The following TMEM87B variants were observed in gnomAD, a reference collection of about 807,000 sequenced individuals.
TMEM87B encodes the protein transmembrane protein 87B.
In TMEM87B, 83 loss-of-function variants were observed where a neutral mutation model predicts 80.3. The observed-to-expected ratio is 1.03, with a 90% CI of 0.87 to 1.24. The LOEUF is 1.24. TMEM87B is among the 50% of genes most tolerant of loss of function. TMEM87B has a pLI of 0.00. For missense variants in TMEM87B, 625 were observed against 674.4 expected, an observed-to-expected ratio of 0.93 and a Z score of 0.81; for synonymous variants, 219 against 230.5, an observed-to-expected ratio of 0.95 and a Z score of 0.45.
chr2:112,097,779 A>G (rs1224463972), intron 13 of TMEM87B, among the ~76,000 whole-genome samples: 2 of 151,534 alleles, frequency 1.3e-5, no homozygotes, highest in African/African-American at 4.9e-5. Context: ...TTCCTCCGAA[A>G]TCTCCTTTTC....
intron 6 of TMEM87B, among the ~76,000 whole-genome samples, chr2:112,079,005 T>C (rs1573699540): frequency 6.6e-6 from 1 of 152,304 alleles, no homozygotes; most frequent in East Asian, 1.9e-4. Context: ...CAATTACATA[T>C]GACATAAATG....
At position 112,105,536 on chromosome 2, in the gene TMEM87B, A is replaced by C. The variant is rs1237956615; in HGVS notation, c.1451-466A>C. Reference sequence around the variant, plus strand: ...TGCTCCACTGAAACTGCAAACATGCAGAAGAGCCTTGGTCAAATATGAAAG... The same window carrying C: ...TGCTCCACTGAAACTGCAAACATGCCGAAGAGCCTTGGTCAAATATGAAAG... On this transcript the variant is annotated intron_variant, in intron 15 of 18. Transcript: ENST00000283206. Among the ~76,000 whole-genome samples the C allele has an allele frequency of 5.9e-5, 9 of 152,346 alleles. No homozygotes were observed. The South Asian group carries it at 1.0e-3, about 18-fold the overall frequency.
At chr2:112,093,992 T>G (rs775130006) in intron 11 of TMEM87B, among the ~76,000 whole-genome samples, 8 of 152,200 alleles carry the variant, frequency 5.3e-5, no homozygotes, top group African/African-American at 1.9e-4. Flanking sequence ...GCTGATTATA[T>G]CTATTCAATT....
At chr2:112,063,906 G>A (rs548246524) in intron 2 of TMEM87B, among the ~76,000 whole-genome samples, 1 of 152,328 alleles carries the variant, frequency 6.6e-6, no homozygotes, top group East Asian at 1.9e-4. Context: ...CAGTGACTTA[G>A]CATATCAGGC....
Position 112,101,182 on chromosome 2 carries a change from C to T in TMEM87B, c.1450+487C>T, listed in dbSNP as rs180804012. ...TAATCTAATTAAGCATCTGTTAAGG[C>T]AACATCAATAAGTAACTCAGATGTT... On this transcript the variant is annotated intron_variant, in intron 15 of 18. Coordinates refer to ENST00000283206, the MANE Select transcript of TMEM87B (RefSeq NM_032824.3). 5.3e-5 allele frequency among the ~76,000 whole-genome samples: 8 copies of T among 152,230 alleles called. No homozygotes were observed. The East Asian group carries it at 1.5e-3, about 29-fold the overall frequency.
At chr2:112,070,741 A>G (rs1467212101) in intron 4 of TMEM87B, among the ~76,000 whole-genome samples, 1 of 152,144 alleles carries the variant, frequency 6.6e-6, no homozygotes, top group Non-Finnish European at 1.5e-5. Context: ...TAGGAATAGC[A>G]TTGAATCTGT....
rs1202388305 is a variant in TMEM87B at position 112,119,154 on chromosome 2, G to T, written c.*3011G>T. ...TTGGGGAGAAATTTTAGGCATTTAA[G>T]AACTTGTATTTTTCTATTTTAAAAA... On this transcript the variant is annotated 3_prime_UTR_variant, in exon 19 of 19. Transcript: ENST00000283206. 3 of 152,130 alleles carry T rather than the reference G, an allele frequency of 2.0e-5. No homozygotes were observed. Among genetic ancestry groups the T allele is most frequent in the Non-Finnish European group, 4.4e-5 (3 of 67,988 alleles). 9.4% of individuals were successfully genotyped at this position (152,130 alleles called of 1,614,324 possible). A position where few individuals can be genotyped will look rare whatever the true frequency, so the allele number is the denominator to read the frequency against.
At chr2:112,115,993 A>T in intron 18 of TMEM87B, 91 bp from the exon 19 acceptor site, 1 of 917,290 alleles carries the variant, frequency 1.1e-6, no homozygotes, top group South Asian at 1.5e-5. Flanking sequence ...TAGTTTCCCT[A>T]AATGTGGCTG....
At chr2:112,082,853 G>C (rs1212664792) in intron 8 of TMEM87B, among the ~76,000 whole-genome samples, 1 of 152,138 alleles carries the variant, frequency 6.6e-6, no homozygotes, top group Non-Finnish European at 1.5e-5. Flanking sequence ...GTGAGGAGCA[G>C]CAAAAACCTG....
At position 112,055,340 on chromosome 2, in the gene TMEM87B, T is replaced by G. The variant is rs1678005795; in HGVS notation, c.-252T>G. 6.0e-6 allele frequency: 3 copies of G among 503,130 alleles called. No individual in the cohort carries two copies. The highest frequency in any genetic ancestry group is 8.5e-5 in the Admixed American group (2 of 23,454). 31.2% of individuals were successfully genotyped at this position (503,130 alleles called of 1,614,324 possible). A position where few individuals can be genotyped will look rare whatever the true frequency, so the allele number is the denominator to read the frequency against. On this transcript the variant is annotated 5_prime_UTR_variant, in exon 1 of 19. Coordinates refer to ENST00000283206, the MANE Select transcript of TMEM87B (RefSeq NM_032824.3). ...CGCCAACTCCACATCCTGGCTCCTA[T>G]CTCTGCCTTCCAGGCATCTCCCAGC...
intron 1 of TMEM87B, among the ~76,000 whole-genome samples, chr2:112,056,234 A>G (rs907266516): frequency 2.0e-5 from 3 of 152,066 alleles, no homozygotes; most frequent in Non-Finnish European, 4.4e-5. Context: ...CTTAAAAAAA[A>G]AAAAGAAAGA....
Position 112,055,628 on chromosome 2 carries a change from C to G in TMEM87B, c.37C>G (p.Pro13Ala). ...CTGCCGCTCGGTAGCCGGGCTCCTG[C>G]CACGCCGCCGCCGCTGCTTTCCCGC... ...AACRSVAGLL[P>A]RRRRCFPARA... Residue 13 changes from proline (P) to alanine (A), a missense_variant, in exon 1 of 19, where the codon CCA becomes GCA. Physicochemically the swap from Pro to Ala is conservative, Grantham distance 27. Coordinates refer to ENST00000283206, the MANE Select transcript of TMEM87B (RefSeq NM_032824.3). The G allele has an allele frequency of 6.5e-7, 1 of 1,546,606 alleles. No homozygotes were observed. The highest frequency in any genetic ancestry group is 8.7e-7 in the Non-Finnish European group (1 of 1,148,532).
At chr2:112,084,721 T>A (rs1362371647) in intron 8 of TMEM87B, among the ~76,000 whole-genome samples, 5 of 152,268 alleles carry the variant, frequency 3.3e-5, no homozygotes, top group African/African-American at 1.2e-4. Flanking sequence ...TGAATATCTT[T>A]CTGAATCTTT....
intron 1 of TMEM87B, among the ~76,000 whole-genome samples, chr2:112,059,746 GC>G (rs2104452364): frequency 6.6e-6 from 1 of 152,286 alleles, no homozygotes; most frequent in South Asian, 2.1e-4. Context: ...TGTGTCACTG[GC>G]CCTAACTGAG....
At chr2:112,081,540 A>G (rs1401484831) in intron 8 of TMEM87B, 22 bp downstream of exon 8, 2 of 1,587,976 alleles carry the variant, frequency 1.3e-6, no homozygotes, top group African/African-American at 2.7e-5. Flanking sequence ...CTGTCTCTGT[A>G]AATATAGTAT....
In TMEM87B at chr2:112,107,834, C is replaced by A; in HGVS notation, c.1571C>A (p.Thr524Lys). Reference protein sequence around the residue: ...WVEENIPSSFTDVALPVLVDS... With the variant: ...WVEENIPSSFKDVALPVLVDS... ...GAAGAAAATATTCCCTCTTCATTCA[C>A]AGATGTGTAAGTTATCTTCTGTTAC... The change falls in exon 17 of 19, where the codon ACA (threonine) becomes AAA (lysine). Residue 524 changes from threonine to lysine, a missense_variant. By Grantham distance (78) the Thr-to-Lys change is moderately conservative (BLOSUM62 -1). Transcript: ENST00000283206. 1 of 1,584,922 alleles carries A rather than the reference C, an allele frequency of 6.3e-7. No homozygotes were observed. Among genetic ancestry groups the A allele is most frequent in the Non-Finnish European group, 8.6e-7 (1 of 1,158,082 alleles).
chr2:112,099,894 A>C (rs533252719), intron 14 of TMEM87B, among the ~76,000 whole-genome samples: 1 of 151,384 alleles, frequency 6.6e-6, no homozygotes, highest in East Asian at 1.9e-4. Flanking sequence ...AAAAAAAAAA[A>C]AAAAAACCAC....
intron 18 of TMEM87B, among the ~76,000 whole-genome samples, chr2:112,113,709 G>T (rs2104510624): frequency 7.3e-6 from 1 of 136,974 alleles, no homozygotes; most frequent in East Asian, 2.2e-4. Flanking sequence ...TCTACAGAAA[G>T]ATGTAGCATT....
At chr2:112,080,940 A>G (rs763617410) in intron 6 of TMEM87B, 117 bp from the exon 7 acceptor site, 2 of 836,460 alleles carry the variant, frequency 2.4e-6, no homozygotes, top group South Asian at 3.1e-5. Context: ...TATGTGCTAC[A>G]TACAAATTCA....
Sources: gnomAD v4.1 joint callset for allele counts (sites outside exome capture counted in the v4.1 genomes callset) on GRCh38, gnomAD v4.1.1 for gene constraint, MANE v1.5 for transcripts, NCBI Gene and HGNC (gene_info 2026-07-23, HGNC 2026-07-21) for gene names.